The following PCDHAC1 variants were observed in gnomAD, a reference collection of about 807,000 sequenced individuals.
The protein encoded by PCDHAC1 is protocadherin alpha-C1.
Under a neutral mutation model 60.0 loss-of-function variants are expected in PCDHAC1, and 42 were observed. That is an observed-to-expected ratio of 0.70 (90% confidence interval 0.55 to 0.90). The LOEUF (loss-of-function observed/expected upper bound fraction) is 0.90, where lower values mean the gene tolerates loss of function less well. Among genes scored for constraint, PCDHAC1 ranks in the 40% least tolerant of loss-of-function variants. The pLI is 0.00. For synonymous variants in PCDHAC1, 468 were observed against 499.3 expected, an observed-to-expected ratio of 0.94 and a Z score of 0.84; for missense variants, 1,160 against 1,222.3, an observed-to-expected ratio of 0.95 and a Z score of 0.76.
At position 140,928,998 on chromosome 5, in the gene PCDHAC1, CGT is replaced by C; in HGVS notation, c.2111_2112del (p.Cys704TyrfsTer26). The C allele has an allele frequency of 6.2e-7, 1 of 1,613,902 alleles. No individual in the cohort carries two copies. ...FLFLGCLLFF[V>X]CTKLHQSPGC... Reference sequence around the variant, plus strand: ...TATTTCTGGGGTGCTTACTTTTCTTCGTGTGTACCAAGTTGCACCAGAGCCCA... The same window carrying C: ...TATTTCTGGGGTGCTTACTTTTCTTCGTGTACCAAGTTGCACCAGAGCCCA... On this transcript the variant is annotated frameshift_variant, in exon 1 of 4. Coordinates refer to ENST00000253807, the MANE Select transcript of PCDHAC1 (RefSeq NM_018898.5). LOFTEE classifies it high-confidence loss of function.
intron 1 of PCDHAC1, chr5:140,969,571 G>A: frequency 9.5e-7 from 1 of 1,050,970 alleles, no homozygotes; most frequent in Non-Finnish European, 1.3e-6. Context: ...AATTGTTTGA[G>A]AAGTGAGGAT....
chr5:140,929,499 C>A, intron 1 of PCDHAC1, 174 bp downstream of exon 1: 2 of 980,262 alleles, frequency 2.0e-6, no homozygotes, highest in Non-Finnish European at 2.8e-6. Context: ...GAAGATTGCC[C>A]TAGGCCTCAA....
Position 141,009,940 on chromosome 5 carries a change from T to G in PCDHAC1, c.*3T>G, listed in dbSNP as rs782531781. ...CGACTGACAACAGTGACCAGTGAGG[T>G]CCTCAAATGGAAACAAGCCACTTAG... On this transcript the variant is annotated 3_prime_UTR_variant, in exon 4 of 4. Transcript: ENST00000253807. 7 of 1,598,042 alleles carry G rather than the reference T, an allele frequency of 4.4e-6. No homozygotes were observed. The highest frequency in any genetic ancestry group is 4.3e-6 in the Non-Finnish European group (5 of 1,174,556).
intron 1 of PCDHAC1, chr5:140,968,554 A>G (rs782240700): frequency 1.9e-6 from 3 of 1,614,162 alleles, no homozygotes; most frequent in Non-Finnish European, 2.5e-6. Context: ...TGGTGCCTCG[A>G]ACTGCCCCTG....
At chr5:140,968,353 C>A (rs1377792748) in intron 1 of PCDHAC1, 1 of 1,614,106 alleles carries the variant, frequency 6.2e-7, no homozygotes, top group Non-Finnish European at 8.5e-7. Context: ...GTGCCAGTGG[C>A]AGCCTTTATG....
At chr5:140,944,060 T>G in intron 1 of PCDHAC1, among the ~76,000 whole-genome samples, 1 of 152,204 alleles carries the variant, frequency 6.6e-6, no homozygotes, top group Non-Finnish European at 1.5e-5. Flanking sequence ...ACAAAAAGGT[T>G]TCTTGTTAAA....
At chr5:140,968,540 G>A (rs1554230842) in intron 1 of PCDHAC1, 8 of 1,614,064 alleles carry the variant, frequency 5.0e-6, no homozygotes, top group Non-Finnish European at 1.7e-6. Context: ...AGCAGCCTTC[G>A]AGATGGTGCC....
chr5:140,978,526 A>G (rs1197468187), intron 1 of PCDHAC1, among the ~76,000 whole-genome samples: 5 of 152,248 alleles, frequency 3.3e-5, no homozygotes, highest in Admixed American at 2.0e-4. Flanking sequence ...CAGCCAGGCC[A>G]GCAGAACTTG....
At position 140,928,921 on chromosome 5, in the gene PCDHAC1, C is replaced by A. The variant is rs782289381; in HGVS notation, c.2029C>A (p.Leu677Ile). 6.2e-7 allele frequency: 1 copy of A among 1,614,116 alleles called. No individual in the cohort carries two copies. Among genetic ancestry groups the A allele is most frequent in the Non-Finnish European group, 8.5e-7 (1 of 1,180,008 alleles). Residue 677 changes from leucine (L) to isoleucine (I), a missense_variant, in exon 1 of 4, where the codon CTT becomes ATT. Leu to Ile is a conservative substitution (Grantham distance 5). Coordinates refer to ENST00000253807, the MANE Select transcript of PCDHAC1 (RefSeq NM_018898.5). ...FEDVWEPGGQ[L>I]SAQNLYLVIA... ...AGATGTCTGGGAACCAGGAGGGCAG[C>A]TTTCTGCCCAGAACTTGTATTTAGT...
intron 1 of PCDHAC1, among the ~76,000 whole-genome samples, chr5:140,948,438 G>A (rs2094254732): frequency 6.6e-6 from 1 of 151,474 alleles, no homozygotes; most frequent in South Asian, 2.1e-4. Context: ...GAAACATTCT[G>A]TGCCAGGGAT....
At chr5:140,930,420 A>T (rs996872425) in intron 1 of PCDHAC1, 2 of 151,962 alleles carry the variant, frequency 1.3e-5, no homozygotes, top group Non-Finnish European at 2.9e-5. Context: ...CAGGGGTCTC[A>T]CTATGTTGCC....
chr5:140,929,096 C>T lies in PCDHAC1; in HGVS notation c.2204C>T (p.Pro735Leu), dbSNP rs113293568. The T allele has an allele frequency of 0.028, 45,094 of 1,614,150 alleles. 813 individuals carry two copies. Among genetic ancestry groups the T allele is most frequent in the Non-Finnish European group, 0.033 (38,711 of 1,179,988 alleles). ...TATGGAAGTAAGATGGTTTCAAATC[C>T]TTGCATGACATCAGCCACCATAGAT... ...LRYGSKMVSN[P>L]CMTSATIDVT... The change falls in exon 1 of 4, where the codon CCT (proline) becomes CTT (leucine). Residue 735 changes from proline to leucine, a missense_variant. Coordinates refer to ENST00000253807, the MANE Select transcript of PCDHAC1 (RefSeq NM_018898.5).
At chr5:140,950,065 G>A (rs1403260430) in intron 1 of PCDHAC1, among the ~76,000 whole-genome samples, 1 of 151,574 alleles carries the variant, frequency 6.6e-6, no homozygotes, top group Non-Finnish European at 1.5e-5. Context: ...AGCTCTTCCT[G>A]TGCCATTGCT....
At chr5:140,966,925 A>T in intron 1 of PCDHAC1, 8 of 1,603,462 alleles carry the variant, frequency 5.0e-6, no homozygotes, top group African/African-American at 1.3e-5. Context: ...AGGAGCAGGC[A>T]CCCGGCGCGC....
intron 1 of PCDHAC1, among the ~76,000 whole-genome samples, chr5:140,956,211 TCCTTG>T (rs2095268091): frequency 6.6e-6 from 1 of 152,198 alleles, no homozygotes; most frequent in Non-Finnish European, 1.5e-5. Flanking sequence ...AAAGAGGGCA[TCCTTG>T]TCTTGTGCTG....
At chr5:140,966,839 C>T (rs782091529) in intron 1 of PCDHAC1, 14 of 1,567,058 alleles carry the variant, frequency 8.9e-6, no homozygotes, top group Non-Finnish European at 1.1e-5. Flanking sequence ...CTGGCTGCTG[C>T]TACTGCCTCT....
intron 3 of PCDHAC1, among the ~76,000 whole-genome samples, chr5:140,997,754 G>A (rs1450156263): frequency 6.6e-6 from 1 of 151,922 alleles, no homozygotes; most frequent in Non-Finnish European, 1.5e-5. Context: ...ATCTTCTTGA[G>A]TAAGGATATA....
intron 3 of PCDHAC1, among the ~76,000 whole-genome samples, chr5:140,998,021 C>T (rs2097794085): frequency 6.6e-6 from 1 of 152,152 alleles, no homozygotes; most frequent in Non-Finnish European, 1.5e-5. Context: ...CCACCTCGAG[C>T]TAGTGCTATA....
chr5:140,961,027 C>G (rs1222428259), intron 1 of PCDHAC1, among the ~76,000 whole-genome samples: 1 of 152,164 alleles, frequency 6.6e-6, no homozygotes, highest in Non-Finnish European at 1.5e-5. Flanking sequence ...CTTGCTACCT[C>G]CTTGTTTTGA....
Sources: gnomAD v4.1 joint callset for allele counts (sites outside exome capture counted in the v4.1 genomes callset) on GRCh38, gnomAD v4.1.1 for gene constraint, MANE v1.5 for transcripts, NCBI Gene and HGNC (gene_info 2026-07-23, HGNC 2026-07-21) for gene names.